Variants in ERCC2 observed in about 807,000 individuals in gnomAD.
ERCC2 encodes general transcription and DNA repair factor IIH helicase subunit XPD.
Under a neutral mutation model 99.4 loss-of-function variants are expected in ERCC2, and 90 were observed. That is an observed-to-expected ratio of 0.91 (90% confidence interval 0.76 to 1.08). ERCC2 has a LOEUF of 1.08. ERCC2 is among the 50% of genes least tolerant of loss of function. ERCC2 has a pLI of 0.00. For missense variants in ERCC2, 993 were observed against 1,038.1 expected, an observed-to-expected ratio of 0.96 and a Z score of 0.60; for synonymous variants, 497 against 432.4, an observed-to-expected ratio of 1.15 and a Z score of -1.85.
In ERCC2 at chr19:45,368,997, C is replaced by T. The variant is rs560956342; in HGVS notation, c.184-5G>A. 84 of 1,614,190 alleles carry T rather than the reference C, an allele frequency of 5.2e-5. No individual in the cohort carries two copies. The highest frequency in any genetic ancestry group is 1.7e-4 in the Admixed American group (10 of 60,028). The stretch of plus-strand genomic sequence containing the variant: ...GGTCACCTCCAGCGGATATGCCTGC[C>T]GATAACAAGCGGACTCAGTCCCTGT... On this transcript the variant is annotated splice_region_variant and splice_polypyrimidine_tract_variant and intron_variant, in intron 3 of 22. Coordinates refer to ENST00000391945, the MANE Select transcript of ERCC2 (RefSeq NM_000400.4).
rs1420347025 is a variant in ERCC2 at position 45,368,654 on chromosome 19, G to C, written c.336C>G (p.Arg112=). ...CCTCAGGGTGAATACACAAGTTTTTGCGGGAGCTCAGAGCCAGTCCCAGAA... is the reference window on the plus strand; with the variant it reads ...CCTCAGGGTGAATACACAAGTTTTTCCGGGAGCTCAGAGCCAGTCCCAGAA... ...LPFLGLALSS[R]KNLCIHPEVT... is the part of the protein sequence containing the mutation. Residue 112 remains arginine, a synonymous_variant, in exon 5 of 23, where the codon CGC becomes CGG. Coordinates refer to ENST00000391945, the MANE Select transcript of ERCC2 (RefSeq NM_000400.4). 1 of 1,613,520 alleles carries C rather than the reference G, an allele frequency of 6.2e-7. No individual in the cohort carries two copies. The highest frequency in any genetic ancestry group is 1.3e-5 in the African/African-American group (1 of 74,926).
intron 12 of ERCC2, among the ~76,000 whole-genome samples, chr19:45,359,303 G>C (rs1267925518): frequency 6.6e-6 from 1 of 152,182 alleles, no homozygotes; most frequent in Non-Finnish European, 1.5e-5. Context: ...GAATGACAAA[G>C]GTAGGGATGG....
rs375837304 is a variant in ERCC2 at position 45,350,965 on chromosome 19, C to T, written c.*664G>A. On this transcript the variant is annotated 3_prime_UTR_variant, in exon 23 of 23. Transcript: ENST00000391945. Reference sequence around the variant, plus strand: ...TGCCCTCTTTGCAGAATGAAGAGAGCCATGTCACTCAACACACTGAACGTG... The same window carrying T: ...TGCCCTCTTTGCAGAATGAAGAGAGTCATGTCACTCAACACACTGAACGTG... 6.2e-7 allele frequency: 1 copy of T among 1,614,096 alleles called. No individual in the cohort carries two copies. Among genetic ancestry groups the T allele is most frequent in the African/African-American group, 1.3e-5 (1 of 75,006 alleles).
intron 15 of ERCC2, among the ~76,000 whole-genome samples, 166 bp from the exon 16 acceptor site, chr19:45,355,894 A>G: frequency 6.7e-6 from 1 of 150,308 alleles, no homozygotes. Context: ...GCCTCAAGTG[A>G]CCATCCCGCC....
intron 19 of ERCC2, 47 bp downstream of exon 19, chr19:45,353,036 G>C: frequency 6.3e-7 from 1 of 1,579,652 alleles, no homozygotes; most frequent in Non-Finnish European, 8.7e-7. Flanking sequence ...AGGTGTTCCA[G>C]AGAGCTCTGG....
rs1971877028 is a variant in ERCC2, at chr19:45,353,066, G to A, written c.1831+17C>T. The A allele has an allele frequency of 1.2e-6, 2 of 1,610,204 alleles. No homozygotes were observed. Among genetic ancestry groups the A allele is most frequent in the South Asian group, 1.1e-5 (1 of 90,954 alleles). ...CTCTGGGAAGACACCTGGGGAGGAA[G>A]AGCCCAGTCCACTCACCAAAGTCGA... is the stretch of plus-strand genomic sequence containing the variant. On this transcript the variant is annotated intron_variant, in intron 19 of 22. Transcript: ENST00000391945.
chr19:45,351,214 C>G lies in ERCC2; in HGVS notation c.*415G>C, dbSNP rs1408811789. ...TTGGATAGTTGGCTGCCAGGCTGGA[C>G]CTGGAGCTGGAGGGTGGATGTAACA... On this transcript the variant is annotated 3_prime_UTR_variant, in exon 23 of 23. Transcript: ENST00000391945. 6.9e-6 allele frequency: 11 copies of G among 1,589,680 alleles called. No homozygotes were observed. The highest frequency in any genetic ancestry group is 1.7e-5 in the Admixed American group (1 of 58,690).
At chr19:45,364,722 GA>G (rs1157819772) in intron 7 of ERCC2, 115 bp downstream of exon 7, 2 of 1,240,024 alleles carry the variant, frequency 1.6e-6, no homozygotes, top group African/African-American at 3.0e-5. Context: ...CACCAACAGG[GA>G]GATGCAGACA....
intron 15 of ERCC2, among the ~76,000 whole-genome samples, chr19:45,356,934 G>C (rs540106332): frequency 6.6e-6 from 1 of 152,346 alleles, no homozygotes; most frequent in East Asian, 1.9e-4. Context: ...GTCACAGCCA[G>C]ACCACGTACT....
At chr19:45,364,620 C>T in intron 7 of ERCC2, 73 bp from the exon 8 acceptor site, 1 of 1,592,662 alleles carries the variant, frequency 6.3e-7, no homozygotes. Flanking sequence ...GCCACACTGG[C>T]CCGTCACTCC....
intron 17 of ERCC2, among the ~76,000 whole-genome samples, chr19:45,354,242 C>T (rs983086994): frequency 3.3e-5 from 5 of 152,228 alleles, no homozygotes; most frequent in Non-Finnish European, 2.9e-5. Flanking sequence ...CTGTGGTGAG[C>T]CCTGTTTCCA....
chr19:45,351,796 C>G, intron 22 of ERCC2, 75 bp from the exon 23 acceptor site: 1 of 1,364,824 alleles, frequency 7.3e-7, no homozygotes, highest in Non-Finnish European at 1.0e-6. Context: ...CTTCCCCAAC[C>G]ACCCCCCCGA....
At chr19:45,366,142 A>T (rs1972418588) in intron 5 of ERCC2, among the ~76,000 whole-genome samples, 1 of 111,118 alleles carries the variant, frequency 9.0e-6, no homozygotes, top group Non-Finnish European at 1.8e-5. Context: ...AGCCAGCCAA[A>T]ACTAATATTT....
At chr19:45,354,093 C>A (rs562723412) in intron 17 of ERCC2, among the ~76,000 whole-genome samples, 32 of 152,214 alleles carry the variant, frequency 2.1e-4, no homozygotes, top group African/African-American at 6.0e-4. Context: ...TTTCCAATAC[C>A]TGGATTAGCC....
chr19:45,355,690 G>A lies in ERCC2; in HGVS notation c.1518C>T (p.Ser506=). The change falls in exon 16 of 23, where the codon TCC becomes TCT. Residue 506 remains serine (S), a synonymous_variant. Coordinates refer to ENST00000391945, the MANE Select transcript of ERCC2 (RefSeq NM_000400.4). ...GRGNDQVAIS[S]KFETREDIAV... ...CAATATCCTCCCGGGTCTCAAATTT[G>A]GAGCTGATGGCCACCTGGTCATTGC... 1 of 1,614,196 alleles carries A rather than the reference G, an allele frequency of 6.2e-7. No homozygotes were observed. Among genetic ancestry groups the A allele is most frequent in the Non-Finnish European group, 8.5e-7 (1 of 1,180,020 alleles).
chr19:45,355,550 T>G (rs1437605083), intron 16 of ERCC2, 115 bp downstream of exon 16: 1 of 986,956 alleles, frequency 1.0e-6, no homozygotes, highest in African/African-American at 1.6e-5. Flanking sequence ...AGAAGGAAAC[T>G]CTGGGCTGAG....
rs759116129 is a variant in ERCC2, at chr19:45,352,816, A to G, written c.1832T>C (p.Val611Ala). The G allele has an allele frequency of 2.6e-5, 42 of 1,613,326 alleles. No homozygotes were observed. The highest frequency in any genetic ancestry group is 3.2e-5 in the Non-Finnish European group (38 of 1,179,764). Residue 611 changes from valine to alanine, a missense_variant and splice_region_variant, in exon 20 of 23, where the codon GTG (valine) becomes GCG (alanine). Transcript: ENST00000391945. Reference protein sequence around the residue: ...RGKVSEGIDFVHHYGRAVIMF... With the variant: ...RGKVSEGIDFAHHYGRAVIMF... ...GATGACGGCCCGCCCGTAGTGGTGC[A>G]CTGGTGGGCAGAGGAGAGGGGGCGA...
chr19:45,357,615 C>T lies in ERCC2; in HGVS notation c.1307+15G>A, dbSNP rs374797038. ...ACCCACAGAGCATTCACACCCTCAC[C>T]GGGCAGGGTCCCACCTGAAGTGCAG... is the stretch of plus-strand genomic sequence containing the variant. On this transcript the variant is annotated intron_variant, in intron 13 of 22. Transcript: ENST00000391945. The T allele has an allele frequency of 7.9e-5, 127 of 1,613,944 alleles. No homozygotes were observed. In the Admixed American group the frequency reaches 8.2e-4, roughly 10 times the overall value.
Position 45,352,551 on chromosome 19 carries a change from G to C in ERCC2, c.2001C>G (p.Ala667=), listed in dbSNP as rs780813006. ...GGCCGTAGTCCGTCTTGCCCCTGAT[G>C]GCCCGACCCACACACTGGGCCGCGT... ...MRHAAQCVGR[A]IRGKTDYGLM... The change falls in exon 21 of 23, where the codon GCC becomes GCG. Residue 667 remains alanine (A), a synonymous_variant. Coordinates refer to ENST00000391945, the MANE Select transcript of ERCC2 (RefSeq NM_000400.4). The C allele has an allele frequency of 9.3e-6, 15 of 1,614,130 alleles. No individual in the cohort carries two copies. The highest frequency in any genetic ancestry group is 1.3e-5 in the Non-Finnish European group (15 of 1,180,030).
Sources: allele counts gnomAD v4.1 joint callset (sites outside exome capture counted in the v4.1 genomes callset), GRCh38; gene constraint gnomAD v4.1.1; transcripts MANE v1.5; gene names NCBI Gene and HGNC (gene_info 2026-07-23, HGNC 2026-07-21).